C12orf42: variants seen among roughly 807,000 people sequenced by gnomAD.
C12orf42 encodes chromosome 12 open reading frame 42.
In C12orf42, 25 loss-of-function variants were observed where a neutral mutation model predicts 21.6. The observed-to-expected ratio is 1.16, with a 90% CI of 0.84 to 1.62. C12orf42 has a LOEUF of 1.62. C12orf42 is among the 40% of genes most tolerant of loss of function. The pLI, the probability that C12orf42 is intolerant of heterozygous loss-of-function variation, is 0.00. For synonymous variants in C12orf42, 174 were observed against 175.0 expected (o/e 0.99, Z 0.05); for missense variants, 483 against 459.3 (o/e 1.05, Z -0.47).
At chr12:103,420,890 T>C (rs891878756) in intron 2 of C12orf42, among the ~76,000 whole-genome samples, 3 of 152,198 alleles carry the variant, frequency 2.0e-5, no homozygotes, top group Non-Finnish European at 4.4e-5. Flanking sequence ...TATGAATAAT[T>C]CCCAGCAAAA....
chr12:103,423,119 C>T (rs187033395), intron 2 of C12orf42, among the ~76,000 whole-genome samples: 1 of 152,310 alleles, frequency 6.6e-6, no homozygotes, highest in East Asian at 1.9e-4. Context: ...GGAGTGACCC[C>T]CATGGGTCAC....
At chr12:103,239,736 G>T (rs1448769634) in intron 10 of C12orf42, among the ~76,000 whole-genome samples, 8 of 152,154 alleles carry the variant, frequency 5.3e-5, no homozygotes, top group African/African-American at 1.9e-4. Flanking sequence ...GGGTGTGCAT[G>T]AATAGGTATT....
the C12orf42 span, among the ~76,000 whole-genome samples, chr12:103,148,035 A>C: frequency 6.6e-6 from 1 of 152,186 alleles, no homozygotes; most frequent in Non-Finnish European, 1.5e-5. Flanking sequence ...GAATTTTAGA[A>C]GGACAAGTAC....
the C12orf42 span, among the ~76,000 whole-genome samples, chr12:103,560,779 T>C: frequency 6.6e-6 from 1 of 152,174 alleles, no homozygotes; most frequent in Admixed American, 6.5e-5. Flanking sequence ...TTTATGGGGG[T>C]GAAAGAGTGC....
At chr12:103,281,638 G>T (rs2036125284) in intron 4 of C12orf42, among the ~76,000 whole-genome samples, 1 of 151,962 alleles carries the variant, frequency 6.6e-6, no homozygotes, top group Non-Finnish European at 1.5e-5. Context: ...TTAGAGGCGT[G>T]AGCCACCGTG....
intron 2 of C12orf42, among the ~76,000 whole-genome samples, chr12:103,433,500 A>G (rs1361129298): frequency 6.6e-6 from 1 of 152,194 alleles, no homozygotes; most frequent in Admixed American, 6.5e-5. Flanking sequence ...TCTAAAGTAC[A>G]ATTTCCTAAC....
chr12:103,135,258 C>T, the C12orf42 span, among the ~76,000 whole-genome samples: 3 of 152,008 alleles, frequency 2.0e-5, no homozygotes, highest in Admixed American at 2.0e-4. Context: ...AGTTTGAGAC[C>T]AGCCTGGGCA....
rs969486692 is a variant in C12orf42 at position 103,362,304 on chromosome 12, G to C, written c.259+6583C>G. Among the ~76,000 whole-genome samples the C allele has an allele frequency of 5.9e-5, 9 of 152,070 alleles. No homozygotes were observed. In the South Asian group the frequency reaches 1.2e-3, roughly 21 times the overall value. ...TCAGGAAGCCACATTGCCAGGAAAA[G>C]GGGGAGAGTACTACATCAAGGGAAC... is the stretch of plus-strand genomic sequence containing the variant. On this transcript the variant is annotated intron_variant, in intron 4 of 5. Coordinates refer to ENST00000548883, the MANE Select transcript of C12orf42 (RefSeq NM_198521.5).
chr12:103,414,361 G>A (rs956904194), intron 2 of C12orf42, among the ~76,000 whole-genome samples: 15 of 151,802 alleles, frequency 9.9e-5, no homozygotes, highest in Admixed American at 3.3e-4. Flanking sequence ...ATTTGTTTGC[G>A]TTCCTTGCAG....
At chr12:103,097,134 A>G in the C12orf42 span, among the ~76,000 whole-genome samples, 1 of 152,228 alleles carries the variant, frequency 6.6e-6, no homozygotes, top group Non-Finnish European at 1.5e-5. Context: ...TCTTAATCTC[A>G]GATATATATT....
chr12:103,484,182 T>A (rs1954665200), intron 1 of C12orf42, among the ~76,000 whole-genome samples: 1 of 152,218 alleles, frequency 6.6e-6, no homozygotes, highest in Admixed American at 6.5e-5. Context: ...TACCCAGTAA[T>A]GGGATTGCTG....
the C12orf42 span, among the ~76,000 whole-genome samples, chr12:103,106,934 G>A: frequency 6.6e-6 from 1 of 151,850 alleles, no homozygotes; most frequent in African/African-American, 2.4e-5. Context: ...AAAGGGGTAA[G>A]AAGGAAAAGT....
chr12:103,316,244 A>G (rs2039486457), intron 4 of C12orf42, among the ~76,000 whole-genome samples: 1 of 151,926 alleles, frequency 6.6e-6, no homozygotes, highest in African/African-American at 2.4e-5. Flanking sequence ...CTTAAAAACA[A>G]ATTACAGTAG....
the C12orf42 span, among the ~76,000 whole-genome samples, chr12:103,162,507 GT>G: frequency 3.7e-5 from 1 of 27,242 alleles, no homozygotes; most frequent in Non-Finnish European, 5.5e-5. Context: ...CAACAAGCTG[GT>G]GTGTGTGTGT....
At chr12:103,515,551 T>C in the C12orf42 span, among the ~76,000 whole-genome samples, 10 of 152,332 alleles carry the variant, frequency 6.6e-5, no homozygotes, top group Admixed American at 1.3e-4. Flanking sequence ...TTCCAGCACA[T>C]TGGAGTTGAA....
the C12orf42 span, among the ~76,000 whole-genome samples, chr12:103,179,060 C>T: frequency 6.6e-6 from 1 of 152,186 alleles, no homozygotes; most frequent in African/African-American, 2.4e-5. Flanking sequence ...TAATCAAGGC[C>T]TGTGCTTTCT....
chr12:103,458,145 A>G (rs1427787292), intron 2 of C12orf42, among the ~76,000 whole-genome samples: 3 of 152,134 alleles, frequency 2.0e-5, no homozygotes, highest in East Asian at 3.9e-4. Flanking sequence ...CATAATAACC[A>G]CTTTTGGAAA....
the C12orf42 span, among the ~76,000 whole-genome samples, chr12:103,126,591 G>A: frequency 6.6e-6 from 1 of 151,560 alleles, no homozygotes; most frequent in African/African-American, 2.4e-5. Flanking sequence ...AGAATGTGAA[G>A]GTGTGTAAAT....
At chr12:103,560,749 C>A in the C12orf42 span, among the ~76,000 whole-genome samples, 1 of 152,182 alleles carries the variant, frequency 6.6e-6, no homozygotes, top group African/African-American at 2.4e-5. Context: ...GCTAGTCATA[C>A]GCAAAGTCCA....
Sources: allele counts gnomAD v4.1 joint callset (sites outside exome capture counted in the v4.1 genomes callset), GRCh38; gene constraint gnomAD v4.1.1; transcripts MANE v1.5; gene names NCBI Gene and HGNC (gene_info 2026-07-23, HGNC 2026-07-21).